The following ADAM22 variants were observed in gnomAD, a reference collection of about 807,000 sequenced individuals.
ADAM22 encodes ADAM metallopeptidase domain 22.
ADAM22 carries 65 observed loss-of-function variants against 144.6 expected under a neutral mutation model. That is an observed-to-expected ratio of 0.45 (90% CI 0.37 to 0.55). The LOEUF (loss-of-function observed/expected upper bound fraction) is 0.55. Ranked by LOEUF, ADAM22 falls within the 20% of genes least tolerant of loss-of-function variation. The pLI is 0.00. For synonymous variants in ADAM22, 391 were observed against 412.6 expected (o/e 0.95, Z 0.63); for missense variants, 974 against 1,184.9 (o/e 0.82, Z 2.61).
intron 3 of ADAM22, among the ~76,000 whole-genome samples, chr7:88,052,751 A>G (rs1355098222): frequency 6.6e-6 from 1 of 152,082 alleles, no homozygotes; most frequent in Non-Finnish European, 1.5e-5. Flanking sequence ...AAAAAAGTTA[A>G]CTTTCCCATG....
chr7:87,976,151 G>A (rs953922896), intron 2 of ADAM22, among the ~76,000 whole-genome samples: 1 of 152,180 alleles, frequency 6.6e-6, no homozygotes, highest in East Asian at 1.9e-4. Context: ...GTCTTGATGT[G>A]ATATTGACCT....
chr7:88,181,534 A>G lies in ADAM22; in HGVS notation c.2525A>G (p.Glu842Gly), dbSNP rs1298672665. 1 of 1,613,810 alleles carries G rather than the reference A, an allele frequency of 6.2e-7. No homozygotes were observed. Among genetic ancestry groups the G allele is most frequent in the Non-Finnish European group, 8.5e-7 (1 of 1,179,768 alleles). ...RSNGLSHSWS[E>G]RIPDTKHISD... Reference sequence around the variant, plus strand: ...AATGGGCTCTCTCATTCTTGGAGTGAAAGGATTCCAGACACAAAACATATT... The same window carrying G: ...AATGGGCTCTCTCATTCTTGGAGTGGAAGGATTCCAGACACAAAACATATT... Residue 842 changes from glutamate (E) to glycine (G), a missense_variant, in exon 28 of 32, where the codon GAA (glutamate) becomes GGA (glycine). Physicochemically the swap from Glu to Gly is moderately conservative, Grantham distance 98. This residue lies in a region of ADAM22 where 734 missense variants were observed against 950.6 expected (regional missense o/e 0.77). Coordinates refer to ENST00000413139, the MANE Select transcript of ADAM22 (RefSeq NM_001324418.2).
intron 2 of ADAM22, among the ~76,000 whole-genome samples, chr7:87,966,855 T>C (rs1276776016): frequency 6.7e-6 from 1 of 148,638 alleles, no homozygotes; most frequent in Non-Finnish European, 1.5e-5. Flanking sequence ...CAAGAAATTG[T>C]TTACATCAGT....
Position 87,934,544 on chromosome 7 carries a change from C to T in ADAM22, c.79C>T (p.Gln27Ter). The change falls in exon 1 of 32, where the codon CAG becomes TAG. Residue 27 changes from glutamine (Q) to a stop codon, truncating the protein, a stop_gained. Coordinates refer to ENST00000413139, the MANE Select transcript of ADAM22 (RefSeq NM_001324418.2). LOFTEE classifies it high-confidence loss of function. ...LGTCPPARCG[Q>*]AGDASLMELE... The stretch of plus-strand genomic sequence containing the variant: ...GACCTGCCCTCCGGCGCGCTGCGGC[C>T]AGGCAGGTAAGTTAGCCGTCCTCTG... The T allele has an allele frequency of 6.2e-7, 1 of 1,607,714 alleles. No individual in the cohort carries two copies. The highest frequency in any genetic ancestry group is 8.5e-7 in the Non-Finnish European group (1 of 1,179,394).
chr7:88,006,260 T>C (rs961443434), intron 3 of ADAM22, among the ~76,000 whole-genome samples: 5 of 152,168 alleles, frequency 3.3e-5, no homozygotes, highest in African/African-American at 7.2e-5. Context: ...CAATAATCAA[T>C]AGCTTACCAA....
chr7:88,061,817 C>T (rs1453286217), intron 3 of ADAM22, among the ~76,000 whole-genome samples: 1 of 147,126 alleles, frequency 6.8e-6, no homozygotes, highest in Non-Finnish European at 1.5e-5. Flanking sequence ...AGTCAGCCTT[C>T]TCTTTCTTTC....
At chr7:88,131,498 C>G (rs762416904) in intron 11 of ADAM22, 63 bp downstream of exon 11, 1 of 1,514,936 alleles carries the variant, frequency 6.6e-7, no homozygotes, top group South Asian at 1.1e-5. Flanking sequence ...TTTATTGTGA[C>G]TGAAATGTAT....
At chr7:88,020,119 G>C (rs2129465136) in intron 3 of ADAM22, among the ~76,000 whole-genome samples, 1 of 152,176 alleles carries the variant, frequency 6.6e-6, no homozygotes, top group South Asian at 2.1e-4. Context: ...ATATACCTGT[G>C]ACCTACTGCA....
intron 29 of ADAM22, chr7:88,186,239 C>T (rs1484788149): frequency 4.3e-6 from 1 of 230,720 alleles, no homozygotes; most frequent in East Asian, 1.5e-4. Context: ...TTTCAAAAAG[C>T]ATCATTATCA....
intron 3 of ADAM22, among the ~76,000 whole-genome samples, chr7:88,034,024 T>C (rs1800913030): frequency 6.6e-6 from 1 of 152,114 alleles, no homozygotes; most frequent in African/African-American, 2.4e-5. Context: ...AAGAACCTGC[T>C]TGGTGCTCCA....
intron 4 of ADAM22, 104 bp downstream of exon 4, chr7:88,075,796 G>T (rs1814269279): frequency 1.1e-6 from 1 of 907,946 alleles, no homozygotes; most frequent in Non-Finnish European, 1.7e-6. Context: ...CAGTTTTGAG[G>T]GTTTTAAAAA....
At chr7:87,946,903 C>T (rs768176969) in intron 2 of ADAM22, among the ~76,000 whole-genome samples, 6 of 152,096 alleles carry the variant, frequency 3.9e-5, no homozygotes, top group Non-Finnish European at 7.3e-5. Flanking sequence ...TCCTTTGCAG[C>T]CACACAGATG....
intron 4 of ADAM22, among the ~76,000 whole-genome samples, chr7:88,083,630 TGTGTA>T: frequency 6.8e-6 from 1 of 147,034 alleles, no homozygotes; most frequent in African/African-American, 2.5e-5. Context: ...TGTGTGTGTG[TGTGTA>T]TGTGTAGTAT....
At chr7:88,077,737 C>T (rs762377045) in intron 4 of ADAM22, among the ~76,000 whole-genome samples, 49 of 152,306 alleles carry the variant, frequency 3.2e-4, no homozygotes, top group Non-Finnish European at 1.5e-4. Context: ...CACGGAGTCT[C>T]GCTGATTGCT....
At chr7:88,192,975 A>G in intron 30 of ADAM22, 141 bp from the exon 31 acceptor site, 1 of 941,982 alleles carries the variant, frequency 1.1e-6, no homozygotes, top group Non-Finnish European at 1.6e-6. Context: ...GAATGACAGA[A>G]TATCTTCCCA....
At chr7:88,056,733 G>A (rs1232403706) in intron 3 of ADAM22, among the ~76,000 whole-genome samples, 1 of 152,246 alleles carries the variant, frequency 6.6e-6, no homozygotes, top group East Asian at 1.9e-4. Flanking sequence ...TTTTCCACAA[G>A]AAAATTCACT....
chr7:88,094,350 G>A (rs1256200513), intron 4 of ADAM22, among the ~76,000 whole-genome samples: 2 of 152,206 alleles, frequency 1.3e-5, no homozygotes, highest in Admixed American at 6.5e-5. Flanking sequence ...AATGGGAGCA[G>A]AACAACTTTT....
rs1838996792 is a variant in ADAM22, at chr7:88,153,320, A to G, written c.1781A>G (p.Asn594Ser). 3.1e-6 allele frequency: 5 copies of G among 1,612,284 alleles called. No individual in the cohort carries two copies. In the East Asian group the frequency reaches 8.9e-5, roughly 29 times the overall value. ...GACAAAGACACATGGATACAGTGCA[A>G]CAAACGGTGAGGTGGAGACGTCAGC... ...GKDKDTWIQC[N>S]KRDVLCGYLL... is the part of the protein sequence containing the mutation. The change falls in exon 21 of 32, where the codon AAC becomes AGC. Residue 594 changes from asparagine (N) to serine (S), a missense_variant. By Grantham distance (46) the Asn-to-Ser change is conservative. Around this residue, in one of 2 missense-constraint regions of ADAM22, gnomAD observed 734 missense variants for 950.6 expected, o/e 0.77. Transcript: ENST00000413139.
chr7:88,084,596 T>G (rs1441378470), intron 4 of ADAM22, among the ~76,000 whole-genome samples: 1 of 152,232 alleles, frequency 6.6e-6, no homozygotes, highest in Non-Finnish European at 1.5e-5. Context: ...TCGACTTCTG[T>G]GCTTAGCTCT....
Sources: gnomAD v4.1 joint callset for allele counts (sites outside exome capture counted in the v4.1 genomes callset) on GRCh38, gnomAD v4.1.1 for gene constraint, gnomAD v4.1.1 regional missense constraint, MANE v1.5 for transcripts, NCBI Gene and HGNC (gene_info 2026-07-23, HGNC 2026-07-21) for gene names.